The following SMYD3 variants were observed in gnomAD, a reference collection of about 807,000 sequenced individuals.
The protein encoded by SMYD3 is histone-lysine N-methyltransferase SMYD3.
In SMYD3, 36 loss-of-function variants were observed where a neutral mutation model predicts 57.7. That is an observed-to-expected ratio of 0.62 (90% CI 0.48 to 0.82). SMYD3 has a LOEUF of 0.82. Among genes scored for constraint, SMYD3 ranks in the 40% least tolerant of loss-of-function variants. The pLI is 0.00. For synonymous variants in SMYD3, 211 were observed against 195.0 expected (o/e 1.08, Z -0.68); for missense variants, 515 against 538.8 (o/e 0.96, Z 0.44).
At chr1:246,036,891 T>C (rs1443552814) in intron 5 of SMYD3, among the ~76,000 whole-genome samples, 2 of 152,062 alleles carry the variant, frequency 1.3e-5, no homozygotes, top group African/African-American at 2.4e-5. Flanking sequence ...CATTTAGTTA[T>C]GAAAGCCAAA....
intron 5 of SMYD3, among the ~76,000 whole-genome samples, chr1:246,047,965 G>A (rs887482166): frequency 6.6e-6 from 1 of 152,142 alleles, no homozygotes; most frequent in African/African-American, 2.4e-5. Context: ...TGTAAAAAAT[G>A]TAAAATTTGT....
At chr1:246,247,173 T>C (rs1214604455) in intron 5 of SMYD3, among the ~76,000 whole-genome samples, 1 of 152,018 alleles carries the variant, frequency 6.6e-6, no homozygotes, top group Non-Finnish European at 1.5e-5. Context: ...GGAACCACAA[T>C]GAAAAATTAG....
intron 1 of SMYD3, among the ~76,000 whole-genome samples, chr1:246,490,383 T>C (rs1344666404): frequency 2.6e-5 from 4 of 152,186 alleles, no homozygotes; most frequent in African/African-American, 9.7e-5. Context: ...GCTCTGATAA[T>C]CCTGCAAATT....
At chr1:246,311,667 A>G (rs192609627) in intron 5 of SMYD3, among the ~76,000 whole-genome samples, 7 of 152,202 alleles carry the variant, frequency 4.6e-5, no homozygotes, top group Non-Finnish European at 7.3e-5. Context: ...GCACGCGCGC[A>G]CACACACGCA....
chr1:246,356,014 T>C (rs982441827), intron 1 of SMYD3, among the ~76,000 whole-genome samples: 12 of 152,188 alleles, frequency 7.9e-5, no homozygotes, highest in Non-Finnish European at 8.8e-5. Context: ...CACCAACTCC[T>C]GGCTGGAGGC....
intron 5 of SMYD3, among the ~76,000 whole-genome samples, chr1:245,938,615 C>T (rs6658333): frequency 0.017 from 2,559 of 152,298 alleles, 70 homozygotes; most frequent in African/African-American, 0.057. Flanking sequence ...TTCCTTTGTA[C>T]AGAAGTAGCT....
chr1:246,419,419 C>T (rs997730139), intron 1 of SMYD3, among the ~76,000 whole-genome samples: 5 of 152,212 alleles, frequency 3.3e-5, no homozygotes, highest in South Asian at 2.1e-4. Flanking sequence ...TTCCTCTCAC[C>T]CTCCAGCTGC....
At chr1:245,932,792 C>T (rs1441075104) in intron 5 of SMYD3, among the ~76,000 whole-genome samples, 1 of 152,150 alleles carries the variant, frequency 6.6e-6, no homozygotes, top group African/African-American at 2.4e-5. Flanking sequence ...GAACTCCTGG[C>T]CTCAAGTGGT....
chr1:245,825,070 CGCCAAGA>C (rs1376472184), intron 10 of SMYD3, among the ~76,000 whole-genome samples: 4 of 152,096 alleles, frequency 2.6e-5, no homozygotes, highest in African/African-American at 9.7e-5. Context: ...AATGTAAACT[CGCCAAGA>C]GCTCAGCAGG....
intron 8 of SMYD3, among the ~76,000 whole-genome samples, chr1:245,868,859 C>T (rs2148509480): frequency 6.6e-6 from 1 of 152,300 alleles, no homozygotes; most frequent in South Asian, 2.1e-4. Context: ...TCTCTCCACA[C>T]CAGGCTGGAG....
At chr1:246,379,779 C>T (rs1255172274) in intron 1 of SMYD3, among the ~76,000 whole-genome samples, 1 of 152,168 alleles carries the variant, frequency 6.6e-6, no homozygotes, top group Non-Finnish European at 1.5e-5. Flanking sequence ...GCGGATGGAT[C>T]ACTTAAGGCC....
intron 5 of SMYD3, among the ~76,000 whole-genome samples, chr1:246,185,449 CTTTTTTT>C (rs1183038960): frequency 3.7e-5 from 3 of 80,046 alleles, no homozygotes; most frequent in Non-Finnish European, 6.8e-5. Context: ...GTTAGTGATT[CTTTTTTT>C]TTTTTTTTTT....
At chr1:246,306,861 T>C (rs1234671747) in intron 5 of SMYD3, among the ~76,000 whole-genome samples, 1 of 152,194 alleles carries the variant, frequency 6.6e-6, no homozygotes, top group African/African-American at 2.4e-5. Context: ...TTTAAGTGAC[T>C]CTGTGGTTCC....
chr1:246,405,538 G>A (rs2066847817), intron 1 of SMYD3, among the ~76,000 whole-genome samples: 1 of 152,086 alleles, frequency 6.6e-6, no homozygotes, highest in Non-Finnish European at 1.5e-5. Flanking sequence ...ATGGTCCACA[G>A]GCTTCCAGGG....
intron 5 of SMYD3, among the ~76,000 whole-genome samples, chr1:246,104,517 G>C (rs760487908): frequency 6.6e-6 from 1 of 152,200 alleles, no homozygotes; most frequent in Non-Finnish European, 1.5e-5. Context: ...CGTCTCCTGG[G>C]AGAAGGTACT....
chr1:246,215,453 A>AT (rs1005247432), intron 5 of SMYD3, among the ~76,000 whole-genome samples: 122 of 150,980 alleles, frequency 8.1e-4, no homozygotes, highest in South Asian at 2.9e-3. Context: ...CAAAGACACC[A>AT]TTTTTTTTTA....
At chr1:245,911,329 G>C (rs559740842) in intron 8 of SMYD3, among the ~76,000 whole-genome samples, 1 of 151,886 alleles carries the variant, frequency 6.6e-6, no homozygotes, top group African/African-American at 2.4e-5. Flanking sequence ...AACTACAAAC[G>C]CAACTACCAT....
At chr1:246,326,305 C>G (rs543288462) in intron 5 of SMYD3, 2 of 641,730 alleles carry the variant, frequency 3.1e-6, no homozygotes, top group South Asian at 3.7e-5. Context: ...TGTGAGAAAG[C>G]GAGGACAGCA....
chr1:246,299,359 T>G (rs902873845), intron 5 of SMYD3, among the ~76,000 whole-genome samples: 4 of 152,096 alleles, frequency 2.6e-5, no homozygotes, highest in African/African-American at 9.7e-5. Context: ...TTGGTGAGGT[T>G]GCAGAGAAAA....
Sources: gnomAD v4.1 joint callset for allele counts (sites outside exome capture counted in the v4.1 genomes callset) on GRCh38, gnomAD v4.1.1 for gene constraint, MANE v1.5 for transcripts, NCBI Gene and HGNC (gene_info 2026-07-23, HGNC 2026-07-21) for gene names.